The following CIBAR2 variants were observed in gnomAD, a reference collection of about 807,000 sequenced individuals.
CIBAR2 encodes CBY1-interacting BAR domain-containing protein 2.
A neutral mutation model predicts 36.2 loss-of-function variants in CIBAR2; 38 were observed. The ratio of observed to expected loss-of-function variants is 1.05; its 90% CI spans 0.81 to 1.38. CIBAR2 has a LOEUF of 1.38. CIBAR2 is among the 40% of genes most tolerant of loss of function. CIBAR2 has a pLI of 0.00. For missense variants in CIBAR2, 481 were observed against 383.4 expected (o/e 1.25, Z -2.13); for synonymous variants, 182 against 149.5 (o/e 1.22, Z -1.58).
rs551391559 is a variant in CIBAR2 at position 85,100,017 on chromosome 16, A to G, written c.753+122T>C. 1.2e-3 allele frequency: 856 copies of G among 736,690 alleles called. 19 individuals carry two copies. The South Asian group carries it at 0.016, about 14-fold the overall frequency. The allele number at this position is 736,690 out of a possible 1,614,324, so 45.6% of individuals were successfully genotyped here. ...ATGCTCCCACCACCCCTGCCTCCTC[A>G]GCCTCCCATTTCAAATTCGAGTTCT... is the stretch of plus-strand genomic sequence containing the variant. On this transcript the variant is annotated intron_variant, in intron 8 of 8. Transcript: ENST00000539556.
intron 7 of CIBAR2, among the ~76,000 whole-genome samples, chr16:85,101,923 C>T (rs1164209753): frequency 6.6e-6 from 1 of 152,158 alleles, no homozygotes; most frequent in Admixed American, 6.5e-5. Flanking sequence ...CTACCTCGGC[C>T]TCCCAAAGTG....
At chr16:85,109,955 T>C (rs9319455) in intron 2 of CIBAR2, among the ~76,000 whole-genome samples, 27,687 of 152,184 alleles carry the variant, frequency 0.18, 2,822 homozygotes, top group African/African-American at 0.29. Context: ...ATGTGTCTCC[T>C]TCGGGGGTTC....
chr16:85,107,791 T>C, intron 4 of CIBAR2, 55 bp downstream of exon 4: 2 of 1,577,922 alleles, frequency 1.3e-6, no homozygotes, highest in Non-Finnish European at 1.7e-6. Context: ...AAGACATCAG[T>C]GTGAGTGGAC....
At chr16:85,100,384 T>A (rs905522119) in intron 7 of CIBAR2, 144 bp from the exon 8 acceptor site, 2 of 556,052 alleles carry the variant, frequency 3.6e-6, no homozygotes, top group Non-Finnish European at 3.2e-6. Flanking sequence ...AGGAGCTTCC[T>A]GTTTCTTATT....
At chr16:85,101,323 G>A (rs2073953730) in intron 7 of CIBAR2, among the ~76,000 whole-genome samples, 1 of 152,092 alleles carries the variant, frequency 6.6e-6, no homozygotes, top group African/African-American at 2.4e-5. Context: ...TGCAAATCTC[G>A]TGGCCTGTCC....
rs187552840 is a variant in CIBAR2, at chr16:85,105,143, C to T, written c.537+184G>A. On this transcript the variant is annotated intron_variant, in intron 6 of 8. Coordinates refer to ENST00000539556, the MANE Select transcript of CIBAR2 (RefSeq NM_198491.3). ...AGCACCAGCCTCTGATGCCCTGTGG[C>T]CAGGATTAACTGTGCCGGGAGCCTG... is the stretch of plus-strand genomic sequence containing the variant. 1.2e-4 allele frequency among the ~76,000 whole-genome samples: 19 copies of T among 152,352 alleles called. No homozygotes were observed. The East Asian group carries it at 2.7e-3, about 22-fold the overall frequency.
At chr16:85,105,923 C>G (rs369154148) in intron 5 of CIBAR2, among the ~76,000 whole-genome samples, 2 of 152,324 alleles carry the variant, frequency 1.3e-5, no homozygotes, top group East Asian at 1.9e-4. Context: ...AGTCAAACAC[C>G]TTGGAGCTGC....
Position 85,112,406 on chromosome 16 carries a change from G to C in CIBAR2, c.-54C>G. ...CTGGGGAATAAGGACAGGGCCCCAG[G>C]GGTCCTGCAGGCCTGGGAGGAGCCG... On this transcript the variant is annotated 5_prime_UTR_variant, in exon 1 of 9. Coordinates refer to ENST00000539556, the MANE Select transcript of CIBAR2 (RefSeq NM_198491.3). 3 of 1,575,052 alleles carry C rather than the reference G, an allele frequency of 1.9e-6. No individual in the cohort carries two copies. Among genetic ancestry groups the C allele is most frequent in the Non-Finnish European group, 2.6e-6 (3 of 1,144,750 alleles).
In CIBAR2 at chr16:85,112,361, G is replaced by A. The variant is rs773099347; in HGVS notation, c.-9C>T. 5 of 1,613,990 alleles carry A rather than the reference G, an allele frequency of 3.1e-6. No homozygotes were observed. In the South Asian group the frequency reaches 5.5e-5, roughly 18 times the overall value. ...GAGAAGACGATGTTCATTGTGACCA[G>A]AGCTTTGGCTGTCCCGGTGCTGGGG... is the stretch of plus-strand genomic sequence containing the variant. On this transcript the variant is annotated 5_prime_UTR_variant, in exon 1 of 9. Transcript: ENST00000539556.
intron 6 of CIBAR2, among the ~76,000 whole-genome samples, chr16:85,103,668 G>T (rs924847003): frequency 1.3e-5 from 2 of 152,220 alleles, no homozygotes; most frequent in African/African-American, 4.8e-5. Context: ...TAGGCAGCGT[G>T]AGCACTAATC....
At chr16:85,102,498 C>T (rs566188276) in intron 6 of CIBAR2, among the ~76,000 whole-genome samples, 171 bp from the exon 7 acceptor site, 1 of 152,212 alleles carries the variant, frequency 6.6e-6, no homozygotes, top group East Asian at 1.9e-4. Flanking sequence ...TCATAGAGAA[C>T]ACATTTGCAT....
chr16:85,110,360 G>A lies in CIBAR2; in HGVS notation c.121C>T (p.Arg41Trp), dbSNP rs753996502. ...LLAAYTRKTA[R>W]LRDKADQLVK... ...AGCTGGTCCGCCTTGTCCCGCAGCC[G>A]GGCCGTCTTGCGCGTGTAGGCGGCC... is the stretch of plus-strand genomic sequence containing the variant. Residue 41 changes from arginine to tryptophan, a missense_variant, in exon 2 of 9, where the codon CGG (arginine) becomes TGG (tryptophan). By Grantham distance (101) the Arg-to-Trp change is moderately radical (BLOSUM62 -3). Transcript: ENST00000539556. 53 of 1,613,398 alleles carry A rather than the reference G, an allele frequency of 3.3e-5. No individual in the cohort carries two copies. Among genetic ancestry groups the A allele is most frequent in the Admixed American group, 5.0e-5 (3 of 59,966 alleles).
intron 6 of CIBAR2, among the ~76,000 whole-genome samples, chr16:85,102,770 G>C (rs960587821): frequency 6.6e-6 from 1 of 152,158 alleles, no homozygotes; most frequent in Non-Finnish European, 1.5e-5. Flanking sequence ...CTGAGATCAC[G>C]TTGAGAAGTT....
intron 8 of CIBAR2, among the ~76,000 whole-genome samples, chr16:85,099,937 C>T (rs2073941966): frequency 6.6e-6 from 1 of 151,714 alleles, no homozygotes; most frequent in South Asian, 2.1e-4. Context: ...GCCACCGTGC[C>T]CAGCTTCATT....
intron 1 of CIBAR2, among the ~76,000 whole-genome samples, chr16:85,110,733 C>G (rs146191523): frequency 0.016 from 2,020 of 123,662 alleles, 65 homozygotes; most frequent in African/African-American, 0.065. Flanking sequence ...GAGACAGAGT[C>G]TTGCTCTGTC....
chr16:85,104,237 G>A (rs1212433884), intron 6 of CIBAR2, among the ~76,000 whole-genome samples: 1 of 152,224 alleles, frequency 6.6e-6, no homozygotes, highest in Non-Finnish European at 1.5e-5. Flanking sequence ...ACCCTGCAAA[G>A]GCCTCGGGTA....
chr16:85,103,089 G>C (rs1433454410), intron 6 of CIBAR2, among the ~76,000 whole-genome samples: 1 of 152,106 alleles, frequency 6.6e-6, no homozygotes, highest in Non-Finnish European at 1.5e-5. Flanking sequence ...TTTTAGTAGG[G>C]ACAGGGTTTC....
intron 2 of CIBAR2, among the ~76,000 whole-genome samples, chr16:85,109,931 C>G (rs1269542335): frequency 1.3e-5 from 2 of 152,216 alleles, no homozygotes; most frequent in East Asian, 1.9e-4. Flanking sequence ...TCCCGAGGCC[C>G]TCATAGGCCT....
rs939145235 is a variant in CIBAR2, at chr16:85,102,293, A to G, written c.572T>C (p.Val191Ala). ...CACCTCCACCGCTTTGGCATGGAAA[A>G]CCATCTCAATAGTTACAAAGTCACA... ...FFCDFVTIEMVFHAKAVEVYS... is the reference protein window; with the variant it reads ...FFCDFVTIEMAFHAKAVEVYS... Residue 191 changes from valine to alanine, a missense_variant, in exon 7 of 9, where the codon GTT (valine) becomes GCT (alanine). Physicochemically the swap from Val to Ala is moderately conservative, Grantham distance 64. Transcript: ENST00000539556. 1.9e-6 allele frequency: 3 copies of G among 1,613,478 alleles called. No individual in the cohort carries two copies. Among genetic ancestry groups the G allele is most frequent in the Non-Finnish European group, 2.5e-6 (3 of 1,179,564 alleles).
Sources: allele counts gnomAD v4.1 joint callset (sites outside exome capture counted in the v4.1 genomes callset), GRCh38; gene constraint gnomAD v4.1.1; transcripts MANE v1.5; gene names NCBI Gene and HGNC (gene_info 2026-07-23, HGNC 2026-07-21).